Variants in ACADM observed in about 807,000 individuals in gnomAD.
ACADM encodes acyl-CoA dehydrogenase medium chain.
A neutral mutation model predicts 58.9 loss-of-function variants in ACADM; 49 were observed. The observed-to-expected ratio is 0.83, with a 90% CI of 0.66 to 1.06. The LOEUF is 1.06. ACADM is among the 50% of genes least tolerant of loss of function. ACADM has a pLI of 0.00. For missense variants in ACADM, 496 were observed against 507.0 expected, an observed-to-expected ratio of 0.98 and a Z score of 0.21; for synonymous variants, 160 against 157.7, an observed-to-expected ratio of 1.01 and a Z score of -0.11.
Position 75,743,983 on chromosome 1 carries a change from C to T in ACADM, c.600-1823C>T, listed in dbSNP as rs140599033. ...TTTCTTCAAAAAAGCCTCTTTGTGC[C>T]GAGCCCTCATCTTCTGGATGTTACT... On this transcript the variant is annotated intron_variant, in intron 7 of 11. Coordinates refer to ENST00000370841, the MANE Select transcript of ACADM (RefSeq NM_000016.6). The T allele has an allele frequency of 9.7e-5, 151 of 1,564,392 alleles. No individual in the cohort carries two copies. In the African/African-American group the frequency reaches 1.4e-3, roughly 15 times the overall value.
At chr1:75,748,400 C>A (rs59723961) in intron 8 of ACADM, among the ~76,000 whole-genome samples, 7,455 of 152,032 alleles carry the variant, frequency 0.049, 278 homozygotes, top group African/African-American at 0.11. Context: ...TAAATAAATA[C>A]CCAAGAGAAA....
intron 5 of ACADM, 104 bp from the exon 6 acceptor site, chr1:75,734,687 G>A: frequency 1.1e-6 from 1 of 897,456 alleles, no homozygotes; most frequent in Non-Finnish European, 1.8e-6. Flanking sequence ...GGACTTACCT[G>A]TTAGGTGAAA....
rs1280907781 is a variant in ACADM at position 75,749,412 on chromosome 1, T to C, written c.709-7T>C. 1.9e-6 allele frequency: 3 copies of C among 1,613,436 alleles called. No individual in the cohort carries two copies. Among genetic ancestry groups the C allele is most frequent in the East Asian group, 4.5e-5 (2 of 44,852 alleles). On this transcript the variant is annotated splice_polypyrimidine_tract_variant and splice_region_variant and intron_variant, in intron 8 of 11. Transcript: ENST00000370841. ...AATTCCTTAAAATATATCAATTTTC[T>C]TATTAGGAATTAAACATGGGCCAGC...
At position 75,750,527 on chromosome 1, in the gene ACADM, TC is replaced by T. The variant is rs1557458562; in HGVS notation, c.927del (p.Phe309LeufsTer6). 1.2e-6 allele frequency: 2 copies of T among 1,611,828 alleles called. No individual in the cohort carries two copies. Among genetic ancestry groups the T allele is most frequent in the Non-Finnish European group, 1.7e-6 (2 of 1,179,508 alleles). ...ATKYALERKTFGKLLVEHQAI... is the reference protein window; with the variant it reads ...ATKYALERKTXGKLLVEHQAI... ...AAGTATGCCCTGGAAAGGAAAACTT[TC>T]GGAAAGCTACTTGTAGAGGTAATTT... is the stretch of plus-strand genomic sequence containing the variant. On this transcript the variant is annotated frameshift_variant, in exon 10 of 12. Coordinates refer to ENST00000370841, the MANE Select transcript of ACADM (RefSeq NM_000016.6). LOFTEE classifies it high-confidence loss of function.
chr1:75,745,041 T>C (rs1479581360), intron 7 of ACADM, among the ~76,000 whole-genome samples: 1 of 152,208 alleles, frequency 6.6e-6, no homozygotes, highest in Non-Finnish European at 1.5e-5. Flanking sequence ...CCCTAATGGA[T>C]GCCTGAAACC....
At chr1:75,745,553 C>A in intron 7 of ACADM, 1 of 494,618 alleles carries the variant, frequency 2.0e-6, no homozygotes, top group South Asian at 2.2e-5. Context: ...CTGCGGGTAA[C>A]TGAAACCACA....
chr1:75,743,690 C>T (rs1273580604), intron 7 of ACADM: 6 of 1,485,144 alleles, frequency 4.0e-6, no homozygotes, highest in Middle Eastern at 1.7e-4. Flanking sequence ...CCATCCATAT[C>T]TTCAATGGCA....
intron 10 of ACADM, among the ~76,000 whole-genome samples, chr1:75,760,510 A>C (rs1245133095): frequency 7.8e-6 from 1 of 128,766 alleles, no homozygotes; most frequent in Non-Finnish European, 1.6e-5. Context: ...ATGCCATTGC[A>C]TTCCAGCCTG....
chr1:75,725,214 G>A (rs939314375), intron 1 of ACADM, among the ~76,000 whole-genome samples: 2 of 150,974 alleles, frequency 1.3e-5, no homozygotes, highest in Non-Finnish European at 2.9e-5. Context: ...TAAGCTTTTC[G>A]TTGTAACGTT....
At chr1:75,732,343 GTTAAA>G (rs1326839544) in intron 2 of ACADM, among the ~76,000 whole-genome samples, 11 of 152,248 alleles carry the variant, frequency 7.2e-5, no homozygotes, top group South Asian at 4.1e-4. Flanking sequence ...CTAATAATAA[GTTAAA>G]CGTTTTTTAT....
rs1222551708 is a variant in ACADM, at chr1:75,745,697, A to G, written c.600-109A>G. Reference sequence around the variant, plus strand: ...CCTGATTATTTATTTCCTCATTTGTAAAATGTAGGTAATAATAATTGGGAT... The same window carrying G: ...CCTGATTATTTATTTCCTCATTTGTGAAATGTAGGTAATAATAATTGGGAT... On this transcript the variant is annotated intron_variant, in intron 7 of 11. Coordinates refer to ENST00000370841, the MANE Select transcript of ACADM (RefSeq NM_000016.6). 5.7e-6 allele frequency: 5 copies of G among 884,676 alleles called. No homozygotes were observed. In the Admixed American group the frequency reaches 9.3e-5, roughly 17 times the overall value. 54.8% of individuals were successfully genotyped at this position (884,676 alleles called of 1,614,324 possible).
chr1:75,762,250 C>T (rs900161602), intron 11 of ACADM, among the ~76,000 whole-genome samples: 3 of 151,728 alleles, frequency 2.0e-5, no homozygotes, highest in Admixed American at 6.6e-5. Flanking sequence ...TCTTGAAATC[C>T]TTCCAGCATC....
intron 7 of ACADM, chr1:75,743,285 T>A: frequency 1.1e-6 from 1 of 935,668 alleles, no homozygotes; most frequent in Non-Finnish European, 1.6e-6. Context: ...GCTGGTTACA[T>A]AGTGCTCTGC....
intron 2 of ACADM, among the ~76,000 whole-genome samples, chr1:75,731,507 A>T (rs74090720): frequency 3.3e-5 from 5 of 152,126 alleles, no homozygotes; most frequent in Admixed American, 1.3e-4. Context: ...AAACACAAGG[A>T]TACCATGGAT....
At chr1:75,761,844 TATAAATGTGC>T (rs1648878285) in intron 11 of ACADM, among the ~76,000 whole-genome samples, 1 of 152,190 alleles carries the variant, frequency 6.6e-6, no homozygotes, top group Non-Finnish European at 1.5e-5. Context: ...TAAAAGGAAA[TATAAATGTGC>T]ATGTTCTCTA....
At position 75,758,055 on chromosome 1, in the gene ACADM, C is replaced by CT. The variant is rs573854152; in HGVS notation, c.946-3058dup. Reference sequence around the variant, plus strand: ...TTAGGAAGGATATCTAATTTTTTTACTTTTTTTTTAATTATTATTTTTTTC... The same window carrying CT: ...TTAGGAAGGATATCTAATTTTTTTACTTTTTTTTTTAATTATTATTTTTTTC... On this transcript the variant is annotated intron_variant, in intron 10 of 11. Coordinates refer to ENST00000370841, the MANE Select transcript of ACADM (RefSeq NM_000016.6). 6.6e-5 allele frequency among the ~76,000 whole-genome samples: 10 copies of CT among 151,484 alleles called. No homozygotes were observed. In the South Asian group the frequency reaches 8.4e-4, roughly 13 times the overall value.
At chr1:75,744,894 A>C in intron 7 of ACADM, 1 of 376,004 alleles carries the variant, frequency 2.7e-6, no homozygotes, top group East Asian at 6.5e-5. Context: ...AAAAAGTGCC[A>C]GTTTCAACAG....
chr1:75,757,666 G>C (rs1694424), intron 10 of ACADM, among the ~76,000 whole-genome samples: 56,903 of 152,074 alleles, frequency 0.37, 11,696 homozygotes, highest in African/African-American at 0.55. Context: ...CAAGGATCTA[G>C]AACTAGAAAT....
intron 5 of ACADM, chr1:75,734,567 C>G (rs1185402046): frequency 3.9e-6 from 2 of 509,518 alleles, no homozygotes; most frequent in African/African-American, 1.9e-5. Context: ...TAGATTTTCA[C>G]AGATTATAAT....
Sources: gnomAD v4.1 joint callset for allele counts (sites outside exome capture counted in the v4.1 genomes callset) on GRCh38, gnomAD v4.1.1 for gene constraint, MANE v1.5 for transcripts, NCBI Gene and HGNC (gene_info 2026-07-23, HGNC 2026-07-21) for gene names.